Variants in PLA2G6 observed in about 807,000 individuals in gnomAD.
PLA2G6 encodes 85/88 kDa calcium-independent phospholipase A2.
PLA2G6 carries 62 observed loss-of-function variants against 83.8 expected under a neutral mutation model. The observed-to-expected ratio is 0.74, with a 90% CI of 0.60 to 0.91. PLA2G6 has a LOEUF of 0.91. PLA2G6 is among the 40% of genes least tolerant of loss of function. The pLI is 0.00. For missense variants in PLA2G6, 944 were observed against 1,102.0 expected (o/e 0.86, Z 2.03); for synonymous variants, 417 against 449.8 (o/e 0.93, Z 0.92).
At chr22:38,163,959 C>T (rs1441954223) in intron 2 of PLA2G6, among the ~76,000 whole-genome samples, 2 of 152,068 alleles carry the variant, frequency 1.3e-5, no homozygotes, top group Non-Finnish European at 2.9e-5. Flanking sequence ...AAAGTCAGCT[C>T]CCGGTAGGGA....
intron 6 of PLA2G6, 96 bp from the exon 7 acceptor site, chr22:38,133,109 A>G (rs1245111822): frequency 8.5e-7 from 1 of 1,174,614 alleles, no homozygotes; most frequent in African/African-American, 1.5e-5. Context: ...TGAGAGGCCT[A>G]CAGGTACTGG....
intron 14 of PLA2G6, among the ~76,000 whole-genome samples, chr22:38,114,436 C>G (rs542786927): frequency 1.3e-5 from 2 of 152,180 alleles, no homozygotes; most frequent in Admixed American, 6.5e-5. Context: ...CCACTTGCCT[C>G]GGCCTCCCAA....
At position 38,120,853 on chromosome 22, in the gene PLA2G6, G is replaced by A. The variant is rs886057502; in HGVS notation, c.1648C>T (p.Arg550Trp). ...MYFRMKDEVF[R>W]GSRPYESGPL... is the part of the protein sequence containing the mutation. ...CCCGACTCGTAGGGCCTGGAGCCCC[G>A]GAACACCTCATCCTTCATGCGAAAG... Residue 550 changes from arginine to tryptophan, a missense_variant, in exon 12 of 17, where the codon CGG becomes TGG. Coordinates refer to ENST00000332509, the MANE Select transcript of PLA2G6 (RefSeq NM_003560.4). The A allele has an allele frequency of 4.3e-6, 7 of 1,613,786 alleles. No individual in the cohort carries two copies. The highest frequency in any genetic ancestry group is 4.0e-5 in the African/African-American group (3 of 74,936).
intron 12 of PLA2G6, among the ~76,000 whole-genome samples, chr22:38,116,829 C>T (rs554966985): frequency 7.6e-5 from 8 of 104,856 alleles, no homozygotes; most frequent in Admixed American, 3.0e-4. Context: ...CCAGCCTGGG[C>T]GATAAGAGTG....
intron 11 of PLA2G6, among the ~76,000 whole-genome samples, chr22:38,122,694 G>A (rs1037172831): frequency 6.6e-6 from 1 of 152,240 alleles, no homozygotes; most frequent in Non-Finnish European, 1.5e-5. Context: ...CTGAGGCTCA[G>A]TGGCTCCTCA....
At chr22:38,126,574 C>T (rs2087874165) in intron 9 of PLA2G6, 125 bp from the exon 10 acceptor site, 1 of 712,920 alleles carries the variant, frequency 1.4e-6, no homozygotes, top group Non-Finnish European at 2.5e-6. Context: ...CCCCACTCCC[C>T]CTGTCATCTG....
At chr22:38,148,593 G>A (rs568140084) in intron 2 of PLA2G6, 71 of 716,608 alleles carry the variant, frequency 9.9e-5, no homozygotes, top group Non-Finnish European at 1.7e-4. Context: ...GCCTCATGGG[G>A]CTCAGGACAC....
chr22:38,174,691 C>A (rs28718653), intron 1 of PLA2G6, among the ~76,000 whole-genome samples: 47,233 of 151,992 alleles, frequency 0.31, 8,035 homozygotes, highest in South Asian at 0.43. Flanking sequence ...CAGATCAGAA[C>A]ACGGAGGAAG....
chr22:38,169,342 C>T lies in PLA2G6; in HGVS notation c.85G>A (p.Val29Met). 1.2e-6 allele frequency: 2 copies of T among 1,614,198 alleles called. No homozygotes were observed. Among genetic ancestry groups the T allele is most frequent in the Middle Eastern group, 1.6e-4 (1 of 6,062 alleles). Residue 29 changes from valine to methionine, a missense_variant, in exon 2 of 17, where the codon GTG (valine) becomes ATG (methionine). Physicochemically the swap from Val to Met is conservative, Grantham distance 21 (BLOSUM62 1). Transcript: ENST00000332509. ...SNPFRVKEVA[V>M]ADYTSSDRVR... ...CGGTCACTCGAGGTGTAGTCGGCCA[C>T]AGCCACCTCCTTCACCCGGAATGGG... is the stretch of plus-strand genomic sequence containing the variant.
intron 2 of PLA2G6, chr22:38,146,406 A>G (rs532425407): frequency 6.6e-6 from 1 of 150,504 alleles, no homozygotes; most frequent in East Asian, 2.0e-4. Flanking sequence ...CTGGTCTTGA[A>G]CTCCTGGCCT....
At chr22:38,138,787 A>C (rs1310047775) in intron 5 of PLA2G6, 1 of 152,120 alleles carries the variant, frequency 6.6e-6, no homozygotes, top group East Asian at 1.9e-4. Context: ...CTCCTGTCTC[A>C]GCCTCCTGAG....
chr22:38,150,059 A>G (rs1569283035), intron 2 of PLA2G6: 1 of 151,706 alleles, frequency 6.6e-6, no homozygotes, highest in Admixed American at 6.6e-5. Context: ...ACCAAAAAAA[A>G]AAAAAAAAAC....
At chr22:38,169,538 G>A (rs559536052) in intron 1 of PLA2G6, 67 bp from the exon 2 acceptor site, 30 of 886,546 alleles carry the variant, frequency 3.4e-5, no homozygotes, top group South Asian at 1.1e-4. Context: ...CCAGTGCAGC[G>A]GTTTCCTGCA....
chr22:38,152,752 G>A (rs758532391), intron 2 of PLA2G6, among the ~76,000 whole-genome samples: 1 of 152,198 alleles, frequency 6.6e-6, no homozygotes, highest in African/African-American at 2.4e-5. Context: ...ATATGAGAGA[G>A]ACTCTTGGAG....
chr22:38,118,035 CAAAA>C (rs200489859), intron 12 of PLA2G6, among the ~76,000 whole-genome samples: 1 of 109,878 alleles, frequency 9.1e-6, no homozygotes, highest in African/African-American at 3.7e-5. Flanking sequence ...GACTCCATCT[CAAAA>C]AAAAAAAAAA....
intron 12 of PLA2G6, among the ~76,000 whole-genome samples, chr22:38,117,197 C>T (rs11570749): frequency 0.019 from 2,873 of 152,196 alleles, 103 homozygotes; most frequent in African/African-American, 0.066. Flanking sequence ...AGTTCGCCCA[C>T]GAGCGTGGAC....
At chr22:38,172,833 T>C (rs1192490407) in intron 1 of PLA2G6, among the ~76,000 whole-genome samples, 1 of 152,194 alleles carries the variant, frequency 6.6e-6, no homozygotes, top group Non-Finnish European at 1.5e-5. Flanking sequence ...TGGCCCAGCC[T>C]GTGTACCCCC....
At chr22:38,178,331 G>T (rs984375582) in intron 1 of PLA2G6, among the ~76,000 whole-genome samples, 9 of 152,168 alleles carry the variant, frequency 5.9e-5, no homozygotes, top group Non-Finnish European at 1.2e-4. Context: ...AGCACTTTAG[G>T]AGGCCAAGGA....
At chr22:38,122,807 G>A (rs1247651108) in intron 11 of PLA2G6, among the ~76,000 whole-genome samples, 1 of 152,158 alleles carries the variant, frequency 6.6e-6, no homozygotes, top group African/African-American at 2.4e-5. Flanking sequence ...GGGGAGGAGG[G>A]GTTAAGGCAG....
Sources: allele counts gnomAD v4.1 joint callset (sites outside exome capture counted in the v4.1 genomes callset), GRCh38; gene constraint gnomAD v4.1.1; transcripts MANE v1.5; gene names NCBI Gene and HGNC (gene_info 2026-07-23, HGNC 2026-07-21).